Variants in VPS45 observed in about 807,000 individuals in gnomAD.
VPS45 encodes vacuolar protein sorting-associated protein 45.
A neutral mutation model predicts 75.9 loss-of-function variants in VPS45; 35 were observed. That is an observed-to-expected ratio of 0.46 (90% CI 0.35 to 0.61). The LOEUF is 0.61. Among genes scored for constraint, VPS45 ranks in the 20% least tolerant of loss-of-function variants. The probability of loss-of-function intolerance (pLI) is 0.00; values close to 1 mark genes in which losing one functional copy is unlikely to be tolerated. For synonymous variants in VPS45, 220 were observed against 238.2 expected (o/e 0.92, Z 0.70); for missense variants, 559 against 685.9 (o/e 0.81, Z 2.07).
chr1:150,068,085 GT>G (rs1350623706), intron 1 of VPS45, 135 bp downstream of exon 1: 2 of 925,256 alleles, frequency 2.2e-6, no homozygotes, highest in African/African-American at 1.7e-5. Flanking sequence ...TTGAAAAGTT[GT>G]TTATATAAAG....
intron 14 of VPS45, among the ~76,000 whole-genome samples, chr1:150,119,056 T>G (rs934187736): frequency 9.2e-5 from 14 of 152,214 alleles, no homozygotes; most frequent in Non-Finnish European, 2.1e-4. Context: ...AATAAGTAAA[T>G]AGTGAAATTT....
chr1:150,119,156 G>T (rs1269391668), intron 14 of VPS45, among the ~76,000 whole-genome samples: 1 of 152,140 alleles, frequency 6.6e-6, no homozygotes, highest in Non-Finnish European at 1.5e-5. Flanking sequence ...TTTCACCTTT[G>T]AATGGAAAGG....
intron 14 of VPS45, among the ~76,000 whole-genome samples, chr1:150,131,113 A>G (rs1658808901): frequency 6.6e-6 from 1 of 152,198 alleles, no homozygotes; most frequent in Non-Finnish European, 1.5e-5. Context: ...TGCCGGCCAG[A>G]AAAATTTTAT....
At position 150,086,750 on chromosome 1, in the gene VPS45, T is replaced by C. The variant is rs116236677; in HGVS notation, c.1104+3867T>C. On this transcript the variant is annotated intron_variant, in intron 10 of 14. Coordinates refer to ENST00000644510, the MANE Select transcript of VPS45 (RefSeq NM_007259.5). The stretch of plus-strand genomic sequence containing the variant: ...TTTACCAGTCAGTAGAATTGGGTCT[T>C]GTCTGCTTTCTATCATTTTTCCCTG... Among the ~76,000 whole-genome samples, 837 of 152,294 alleles carry C rather than the reference T, an allele frequency of 5.5e-3. 4 individuals carry two copies. The highest frequency in any genetic ancestry group is 0.019 in the African/African-American group (796 of 41,566).
chr1:150,135,644 G>A (rs1393855858), intron 14 of VPS45, among the ~76,000 whole-genome samples: 1 of 151,300 alleles, frequency 6.6e-6, no homozygotes, highest in Non-Finnish European at 1.5e-5. Context: ...TACACCCTTA[G>A]GACTCATAAT....
At chr1:150,141,408 T>C (rs1659386515) in intron 14 of VPS45, among the ~76,000 whole-genome samples, 1 of 152,166 alleles carries the variant, frequency 6.6e-6, no homozygotes, top group African/African-American at 2.4e-5. Context: ...TACACACACA[T>C]AGTTTTTGTT....
chr1:150,124,973 T>TA (rs1307260826), intron 14 of VPS45, among the ~76,000 whole-genome samples: 3 of 151,968 alleles, frequency 2.0e-5, no homozygotes, highest in African/African-American at 7.2e-5. Context: ...CCCATGTTAC[T>TA]AAAAAGTCTT....
intron 12 of VPS45, 22 bp from the exon 13 acceptor site, chr1:150,093,505 G>C (rs1553802429): frequency 6.2e-7 from 1 of 1,603,574 alleles, no homozygotes; most frequent in Admixed American, 1.7e-5. Flanking sequence ...AATGACATAA[G>C]AACCATTTTC....
chr1:150,125,915 T>G (rs587722663), intron 14 of VPS45, among the ~76,000 whole-genome samples: 1 of 152,214 alleles, frequency 6.6e-6, no homozygotes, highest in South Asian at 2.1e-4. Flanking sequence ...CTTGAACTCC[T>G]GACCTTGTGA....
rs150076399 is a variant in VPS45 at position 150,076,261 on chromosome 1, C to G, written c.318C>G (p.Asp106Glu). 6.2e-7 allele frequency: 1 copy of G among 1,607,808 alleles called. No individual in the cohort carries two copies. Among genetic ancestry groups the G allele is most frequent in the South Asian group, 1.1e-5 (1 of 90,584 alleles). Residue 106 changes from aspartate to glutamate, a missense_variant, in exon 4 of 15, where the codon GAC becomes GAG. Coordinates refer to ENST00000644510, the MANE Select transcript of VPS45 (RefSeq NM_007259.5). ...TCAGTAATGTGATCAGCAAGAGTGA[C>G]GTGAAGTCATTGGCTGAAGCTGATG... is the stretch of plus-strand genomic sequence containing the variant. Reference protein sequence around the residue: ...IYFSNVISKSDVKSLAEADEQ... With the variant: ...IYFSNVISKSEVKSLAEADEQ...
chr1:150,104,499 G>A (rs72694917), intron 13 of VPS45, among the ~76,000 whole-genome samples: 22,908 of 152,062 alleles, frequency 0.15, 1,883 homozygotes, highest in African/African-American at 0.17. Context: ...CTTTTTATAT[G>A]ATGATTTCCT....
At chr1:150,099,584 A>G (rs2101583828) in intron 13 of VPS45, among the ~76,000 whole-genome samples, 1 of 151,948 alleles carries the variant, frequency 6.6e-6, no homozygotes, top group African/African-American at 2.4e-5. Context: ...ATCTATTCCC[A>G]GTATTCTGGG....
At chr1:150,076,601 T>A (rs1571822691) in intron 4 of VPS45, 4 of 488,394 alleles carry the variant, frequency 8.2e-6, no homozygotes, top group Non-Finnish European at 1.4e-5. Context: ...TTTATCTGAG[T>A]AGAACATTGT....
intron 14 of VPS45, among the ~76,000 whole-genome samples, chr1:150,137,864 GA>G (rs1559947944): frequency 7.2e-6 from 1 of 138,670 alleles, no homozygotes. Flanking sequence ...GCAGTGAGCC[GA>G]GATTGTGCCA....
chr1:150,091,542 A>C (rs782195150), intron 10 of VPS45, among the ~76,000 whole-genome samples: 2 of 152,324 alleles, frequency 1.3e-5, no homozygotes, highest in African/African-American at 4.8e-5. Flanking sequence ...TCTCCATTTC[A>C]CTGGTCAATC....
rs1655697958 is a variant in VPS45, at chr1:150,081,374, A to G, written c.720A>G (p.Leu240=). ...WTYQAMVHEL[L]GINNNRIDLS... ...ATCAGGCCATGGTCCACGAACTACTAGGCATAAACAACAATCGGATTGATC... is the reference window on the plus strand; with the variant it reads ...ATCAGGCCATGGTCCACGAACTACTGGGCATAAACAACAATCGGATTGATC... Residue 240 remains leucine, a synonymous_variant, in exon 8 of 15, where the codon CTA becomes CTG. Transcript: ENST00000644510. 6.2e-7 allele frequency: 1 copy of G among 1,608,198 alleles called. No homozygotes were observed. The highest frequency in any genetic ancestry group is 8.5e-7 in the Non-Finnish European group (1 of 1,178,306).
chr1:150,093,782 T>G (rs1483705770), intron 13 of VPS45, 134 bp downstream of exon 13: 2 of 1,153,094 alleles, frequency 1.7e-6, no homozygotes, highest in African/African-American at 3.1e-5. Context: ...CTTTTGGTTT[T>G]ACATATGTCA....
intron 7 of VPS45, among the ~76,000 whole-genome samples, chr1:150,079,203 C>G (rs974600250): frequency 9.9e-5 from 15 of 151,232 alleles, no homozygotes; most frequent in Non-Finnish European, 1.6e-4. Context: ...AGATATTGTT[C>G]TTATCTCCTG....
At chr1:150,126,677 A>G (rs1355280522) in intron 14 of VPS45, among the ~76,000 whole-genome samples, 1 of 152,102 alleles carries the variant, frequency 6.6e-6, no homozygotes, top group Non-Finnish European at 1.5e-5. Context: ...AAAAAAATTT[A>G]TATGTAGCTG....
Sources: allele counts gnomAD v4.1 joint callset (sites outside exome capture counted in the v4.1 genomes callset), GRCh38; gene constraint gnomAD v4.1.1; transcripts MANE v1.5; gene names NCBI Gene and HGNC (gene_info 2026-07-23, HGNC 2026-07-21).